ZNF256: variants seen among roughly 807,000 people sequenced by gnomAD.
ZNF256 encodes bone marrow zinc finger 3.
Under a neutral mutation model 7.9 loss-of-function variants are expected in ZNF256, and 4 were observed. That is an observed-to-expected ratio of 0.50 (90% confidence interval 0.25 to 1.15). The LOEUF (loss-of-function observed/expected upper bound fraction) is 1.15, where lower values mean the gene tolerates loss of function less well. Among genes scored for constraint, ZNF256 ranks in the 50% most tolerant of loss-of-function variants. The probability of loss-of-function intolerance (pLI) is 0.15; values close to 1 mark genes in which losing one functional copy is unlikely to be tolerated. For missense variants in ZNF256, 666 were observed against 755.9 expected (o/e 0.88, Z 1.39); for synonymous variants, 260 against 260.4 (o/e 1.00, Z 0.02).
In ZNF256 at chr19:57,942,070, T is replaced by C; in HGVS notation, c.738A>G (p.Lys246=). ...ERSYMCSECG[K]SFSTSCSLSD... ...TGAGGCTACAGCTTGTGCTAAAAGA[T>C]TTCCCACATTCACTGCACATGTAAG... Residue 246 remains lysine, a synonymous_variant, in exon 3 of 3, where the codon AAA becomes AAG. Transcript: ENST00000282308. 3.7e-6 allele frequency: 6 copies of C among 1,614,234 alleles called. No individual in the cohort carries two copies. Among genetic ancestry groups the C allele is most frequent in the Non-Finnish European group, 4.2e-6 (5 of 1,180,042 alleles).
rs1475159207 is a variant in ZNF256 at position 57,942,088 on chromosome 19, C to A, written c.720G>T (p.Met240Ile). Residue 240 changes from methionine to isoleucine, a missense_variant, in exon 3 of 3, where the codon ATG becomes ATT. Physicochemically the swap from Met to Ile is conservative, Grantham distance 10. Transcript: ENST00000282308. ...QGDLIRERSY[M>I]CSECGKSFST... is the part of the protein sequence containing the mutation. ...TAAAAGATTTCCCACATTCACTGCACATGTAAGATCTTTCCCTAATGAGGT... is the reference window on the plus strand; with the variant it reads ...TAAAAGATTTCCCACATTCACTGCAAATGTAAGATCTTTCCCTAATGAGGT... 24 of 1,614,136 alleles carry A rather than the reference C, an allele frequency of 1.5e-5. No individual in the cohort carries two copies. Among genetic ancestry groups the A allele is most frequent in the Non-Finnish European group, 1.9e-5 (23 of 1,180,060 alleles).
intron 2 of ZNF256, 57 bp downstream of exon 2, chr19:57,943,877 G>C (rs2072746902): frequency 6.3e-7 from 1 of 1,587,148 alleles, no homozygotes; most frequent in Non-Finnish European, 8.6e-7. Context: ...CTGACTCTGG[G>C]GAAAGGGTAA....
chr19:57,945,486 A>G (rs995521586), intron 1 of ZNF256, among the ~76,000 whole-genome samples: 1 of 152,136 alleles, frequency 6.6e-6, no homozygotes. Context: ...TGGCTAAGAG[A>G]GCTTATTCAT....
In ZNF256 at chr19:57,941,684, C is replaced by G; in HGVS notation, c.1124G>C (p.Gly375Ala). 6.2e-7 allele frequency: 1 copy of G among 1,614,092 alleles called. No homozygotes were observed. Among genetic ancestry groups the G allele is most frequent in the South Asian group, 1.1e-5 (1 of 91,074 alleles). Residue 375 changes from glycine (G) to alanine (A), a missense_variant, in exon 3 of 3, where the codon GGT (glycine) becomes GCT (alanine). Coordinates refer to ENST00000282308, the MANE Select transcript of ZNF256 (RefSeq NM_005773.3). ...SLITHQRVHT[G>A]TRPYMCSECG... is the part of the protein sequence containing the mutation. The stretch of plus-strand genomic sequence containing the variant: ...TTCACTGCACATATAAGGCCTTGTA[C>G]CAGTGTGAACTCTCTGGTGTGTAAT...
chr19:57,945,624 A>G (rs1333962410), intron 1 of ZNF256, among the ~76,000 whole-genome samples: 1 of 152,226 alleles, frequency 6.6e-6, no homozygotes, highest in Admixed American at 6.5e-5. Flanking sequence ...GGCAGGCAGC[A>G]TCCAGAGTGT....
chr19:57,941,138 C>T lies in ZNF256; in HGVS notation c.1670G>A (p.Ser557Asn). ...GTGTTTAACGAGGCTAGAGTGGTTA[C>T]TAAAGGATTTCCAACACTCACTGCA... ...YECSECWKSF[S>N]NHSSLVKHRR... Residue 557 changes from serine (S) to asparagine (N), a missense_variant, in exon 3 of 3, where the codon AGT becomes AAT. Physicochemically the swap from Ser to Asn is conservative, Grantham distance 46. Transcript: ENST00000282308. 6.2e-7 allele frequency: 1 copy of T among 1,614,054 alleles called. No homozygotes were observed.
Position 57,940,938 on chromosome 19 carries a change from C to G in ZNF256, c.1870G>C (p.Val624Leu). ...FNSNLLKHQN[V>L]HKG ...TTACCTAACCTTTATCCCTTGTGAA[C>G]GTTCTGATGTTTTAGGAGGTTGGAG... is the stretch of plus-strand genomic sequence containing the variant. Residue 624 changes from valine (V) to leucine (L), a missense_variant, in exon 3 of 3, where the codon GTT becomes CTT. Transcript: ENST00000282308. 6.2e-7 allele frequency: 1 copy of G among 1,613,420 alleles called. No individual in the cohort carries two copies. Among genetic ancestry groups the G allele is most frequent in the East Asian group, 2.2e-5 (1 of 44,864 alleles).
intron 1 of ZNF256, among the ~76,000 whole-genome samples, chr19:57,946,086 T>G (rs1209597567): frequency 6.6e-6 from 1 of 152,198 alleles, no homozygotes; most frequent in East Asian, 1.9e-4. Context: ...ACTGCCAAAC[T>G]ACACTGTCTT....
chr19:57,942,612 G>A lies in ZNF256; in HGVS notation c.196C>T (p.Gln66Ter), dbSNP rs1196096661. 1.2e-6 allele frequency: 2 copies of A among 1,613,976 alleles called. No individual in the cohort carries two copies. The highest frequency in any genetic ancestry group is 8.5e-7 in the Non-Finnish European group (1 of 1,179,968). ...SGAGDEEAPYQQSTSPQRVSQ... is the reference protein window; with the variant it reads ...SGAGDEEAPY The stretch of plus-strand genomic sequence containing the variant: ...ACCCGCTGTGGAGAAGTGCTCTGCT[G>A]ATAAGGTGCCTCCTCATCCCCTGCT... Residue 66 changes from glutamine (Q) to a stop codon, truncating the protein, a stop_gained, in exon 3 of 3, where the codon CAG becomes TAG. Transcript: ENST00000282308. LOFTEE classifies it low-confidence loss of function (END_TRUNC).
At chr19:57,945,596 G>A (rs2072761346) in intron 1 of ZNF256, among the ~76,000 whole-genome samples, 1 of 152,076 alleles carries the variant, frequency 6.6e-6, no homozygotes, top group Non-Finnish European at 1.5e-5. Context: ...CTTAATTTCC[G>A]GCCTTATACC....
rs774021457 is a variant in ZNF256 at position 57,941,969 on chromosome 19, G to C, written c.839C>G (p.Ser280Cys). The change falls in exon 3 of 3, where the codon TCT becomes TGT. Residue 280 changes from serine (S) to cysteine (C), a missense_variant. Transcript: ENST00000282308. Reference sequence around the variant, plus strand: ...AATTCTTCGGTGCGTAATAAGGCTAGAGCTTTGCCTATAGGATTTCCCACA... The same window carrying C: ...AATTCTTCGGTGCGTAATAAGGCTACAGCTTTGCCTATAGGATTTCCCACA... ...GECGKSYRQS[S>C]SLITHRRIHT... 6.2e-7 allele frequency: 1 copy of C among 1,614,008 alleles called. No homozygotes were observed. The highest frequency in any genetic ancestry group is 8.5e-7 in the Non-Finnish European group (1 of 1,180,000).
rs767643993 is a variant in ZNF256, at chr19:57,942,236, G to T, written c.572C>A (p.Thr191Asn). The change falls in exon 3 of 3, where the codon ACC (threonine) becomes AAC (asparagine). Residue 191 changes from threonine (T) to asparagine (N), a missense_variant. Transcript: ENST00000282308. ...CTTGGTTCTGTTTGACTTCTTTCTG[G>T]TGTGAGCAGCCTGTTGCTGAAGAAA... ...SRFLQQQAAHTRKKSNRTKSA... is the reference protein window; with the variant it reads ...SRFLQQQAAHNRKKSNRTKSA... 16 of 1,614,070 alleles carry T rather than the reference G, an allele frequency of 9.9e-6. No homozygotes were observed. The Admixed American group carries it at 2.5e-4, about 25-fold the overall frequency.
intron 1 of ZNF256, among the ~76,000 whole-genome samples, chr19:57,945,417 A>G (rs555158206): frequency 5.9e-4 from 90 of 152,266 alleles, no homozygotes; most frequent in African/African-American, 1.9e-3. Context: ...ACCCACTACA[A>G]AGTAATAAGC....
chr19:57,942,303 T>C lies in ZNF256; in HGVS notation c.505A>G (p.Thr169Ala), dbSNP rs745381530. ...AAATCCTTCCCAACCTCCTTGCAAG[T>C]GAAGGGCTTCCCAGATACTTCAAAT... ...CTFEVSGKPFTCKEVGKDFLV... is the reference protein window; with the variant it reads ...CTFEVSGKPFACKEVGKDFLV... Residue 169 changes from threonine (T) to alanine (A), a missense_variant, in exon 3 of 3, where the codon ACT (threonine) becomes GCT (alanine). Transcript: ENST00000282308. 1.1e-5 allele frequency: 18 copies of C among 1,614,114 alleles called. No individual in the cohort carries two copies. Among genetic ancestry groups the C allele is most frequent in the Admixed American group, 8.3e-5 (5 of 60,008 alleles).
chr19:57,945,315 G>C (rs942508895), intron 1 of ZNF256, among the ~76,000 whole-genome samples: 1 of 152,234 alleles, frequency 6.6e-6, no homozygotes, highest in African/African-American at 2.4e-5. Context: ...TAGAATGTAA[G>C]TTTTGTAGCA....
rs369218920 is a variant in ZNF256, at chr19:57,942,002, C to T, written c.806G>A (p.Cys269Tyr). Residue 269 changes from cysteine (C) to tyrosine (Y), a missense_variant, in exon 3 of 3, where the codon TGT becomes TAT. By Grantham distance (194) the Cys-to-Tyr change is radical (BLOSUM62 -2). Transcript: ENST00000282308. ...RVHTSEKPYT[C>Y]GECGKSYRQS... Reference sequence around the variant, plus strand: ...CCTATAGGATTTCCCACATTCTCCACATGTATAAGGCTTTTCTGAAGTGTG... The same window carrying T: ...CCTATAGGATTTCCCACATTCTCCATATGTATAAGGCTTTTCTGAAGTGTG... The T allele has an allele frequency of 1.2e-6, 2 of 1,614,174 alleles. No homozygotes were observed. The highest frequency in any genetic ancestry group is 1.7e-6 in the Non-Finnish European group (2 of 1,179,978).
intron 1 of ZNF256, among the ~76,000 whole-genome samples, chr19:57,945,864 C>T (rs1030749041): frequency 2.6e-5 from 4 of 152,196 alleles, no homozygotes; most frequent in African/African-American, 9.6e-5. Context: ...AAATCCCAGC[C>T]TCACTGGTCG....
At position 57,942,133 on chromosome 19, in the gene ZNF256, T is replaced by G; in HGVS notation, c.675A>C (p.Val225=). Residue 225 remains valine, a synonymous_variant, in exon 3 of 3, where the codon GTA becomes GTC. Coordinates refer to ENST00000282308, the MANE Select transcript of ZNF256 (RefSeq NM_005773.3). ...ECVKAFSYKH[V]RVQHQGDLIR... ...TGAGGTCTCCCTGGTGCTGAACACGTACATGTTTGTAGCTGAAAGCTTTCA... is the reference window on the plus strand; with the variant it reads ...TGAGGTCTCCCTGGTGCTGAACACGGACATGTTTGTAGCTGAAAGCTTTCA... The G allele has an allele frequency of 6.2e-7, 1 of 1,614,272 alleles. No individual in the cohort carries two copies. The highest frequency in any genetic ancestry group is 8.5e-7 in the Non-Finnish European group (1 of 1,180,050).
Position 57,941,376 on chromosome 19 carries a change from G to T in ZNF256, c.1432C>A (p.Leu478Ile), listed in dbSNP as rs2072726674. 3.7e-6 allele frequency: 6 copies of T among 1,613,938 alleles called. No individual in the cohort carries two copies. Among genetic ancestry groups the T allele is most frequent in the African/African-American group, 1.3e-5 (1 of 74,868 alleles). ...CGKSFTCKSY[L>I]ISHWKVHTGA... ...GTATGAACTTTCCAGTGTGAGATGA[G>T]GTAGGATTTACAGGTAAAGGATTTT... The change falls in exon 3 of 3, where the codon CTC becomes ATC. Residue 478 changes from leucine to isoleucine, a missense_variant. Transcript: ENST00000282308.
Sources: allele counts gnomAD v4.1 joint callset (sites outside exome capture counted in the v4.1 genomes callset), GRCh38; gene constraint gnomAD v4.1.1; transcripts MANE v1.5; gene names NCBI Gene and HGNC (gene_info 2026-07-23, HGNC 2026-07-21).